The following CNTNAP2 variants were observed in gnomAD, a reference collection of about 807,000 sequenced individuals.
CNTNAP2 encodes contactin associated protein 2.
In CNTNAP2, 98 loss-of-function variants were observed where a neutral mutation model predicts 155.2. The observed-to-expected ratio is 0.63, with a 90% CI of 0.54 to 0.75. The LOEUF is 0.75. CNTNAP2 is among the 30% of genes least tolerant of loss of function. The pLI, the probability that CNTNAP2 is intolerant of heterozygous loss-of-function variation, is 0.00. For missense variants in CNTNAP2, 1,727 were observed against 1,688.1 expected (o/e 1.02, Z -0.40); for synonymous variants, 651 against 631.2 (o/e 1.03, Z -0.47).
intron 2 of CNTNAP2, among the ~76,000 whole-genome samples, chr7:146,797,010 C>A (rs1345205803): frequency 1.3e-5 from 2 of 152,076 alleles, no homozygotes; most frequent in East Asian, 3.9e-4. Flanking sequence ...GTGGCGGGCG[C>A]CTGTAGTCCC....
chr7:146,135,432 C>G (rs764935632), intron 1 of CNTNAP2, among the ~76,000 whole-genome samples: 19 of 151,968 alleles, frequency 1.3e-4, no homozygotes, highest in Non-Finnish European at 2.8e-4. Flanking sequence ...TCTCTAAAAT[C>G]CATTCCAGTT....
At position 148,118,149 on chromosome 7, in the gene CNTNAP2, C is replaced by T. The variant is rs1382541997; in HGVS notation, c.2415C>T (p.Asn805=). The T allele has an allele frequency of 6.2e-7, 1 of 1,614,050 alleles. No individual in the cohort carries two copies. The highest frequency in any genetic ancestry group is 1.3e-5 in the African/African-American group (1 of 74,928). ...ATTGGAATGCCGCCTCTTTCCCAAA[C>T]CCATCCTCCTACCTGCACTTCTCTA... ...RNYWNAASFP[N]PSSYLHFSTF... The change falls in exon 16 of 24, where the codon AAC becomes AAT. Residue 805 remains asparagine (N), a synonymous_variant. Transcript: ENST00000361727.
chr7:147,257,857 T>C (rs1464448860), intron 8 of CNTNAP2, among the ~76,000 whole-genome samples: 1 of 152,128 alleles, frequency 6.6e-6, no homozygotes, highest in Non-Finnish European at 1.5e-5. Context: ...AGATCGATAG[T>C]GGAGGTTCAG....
intron 1 of CNTNAP2, among the ~76,000 whole-genome samples, chr7:146,417,484 C>T (rs1334840023): frequency 1.3e-5 from 2 of 152,264 alleles, no homozygotes; most frequent in East Asian, 3.9e-4. Flanking sequence ...AATTCTAAAG[C>T]AGACCCAAGT....
intron 3 of CNTNAP2, among the ~76,000 whole-genome samples, chr7:146,943,956 T>C (rs1410585021): frequency 6.6e-6 from 1 of 152,184 alleles, no homozygotes; most frequent in Non-Finnish European, 1.5e-5. Flanking sequence ...TATAGTTTAA[T>C]TTGTACTATA....
chr7:147,744,525 G>T (rs1044205967), intron 13 of CNTNAP2, among the ~76,000 whole-genome samples: 1 of 152,188 alleles, frequency 6.6e-6, no homozygotes, highest in African/African-American at 2.4e-5. Context: ...CAGAGGACAA[G>T]TTTAGTTCTT....
At chr7:146,344,522 C>G (rs545250188) in intron 1 of CNTNAP2, among the ~76,000 whole-genome samples, 11 of 150,332 alleles carry the variant, frequency 7.3e-5, no homozygotes, top group African/African-American at 2.7e-4. Context: ...CTTTGTAGCC[C>G]AGGCTGGAGT....
intron 14 of CNTNAP2, 72 bp downstream of exon 14, chr7:147,903,793 A>C: frequency 6.4e-7 from 1 of 1,560,624 alleles, no homozygotes; most frequent in Non-Finnish European, 8.7e-7. Flanking sequence ...ATGTGATAGA[A>C]GAAAGTTTGA....
At chr7:148,300,271 A>C (rs1797359512) in intron 21 of CNTNAP2, among the ~76,000 whole-genome samples, 1 of 152,248 alleles carries the variant, frequency 6.6e-6, no homozygotes, top group Admixed American at 6.5e-5. Flanking sequence ...CTTATGTTAG[A>C]GAGAAACAAA....
At chr7:146,377,537 G>A (rs1210315199) in intron 1 of CNTNAP2, among the ~76,000 whole-genome samples, 2 of 152,022 alleles carry the variant, frequency 1.3e-5, no homozygotes, top group Non-Finnish European at 2.9e-5. Flanking sequence ...CAGTTCTACT[G>A]GATTGTCTAA....
chr7:147,927,422 A>G (rs575204667), intron 14 of CNTNAP2, among the ~76,000 whole-genome samples: 17 of 152,342 alleles, frequency 1.1e-4, no homozygotes, highest in African/African-American at 4.1e-4. Flanking sequence ...AATGAAATAA[A>G]TATTATTTTA....
intron 12 of CNTNAP2, among the ~76,000 whole-genome samples, chr7:147,577,466 A>G (rs1800416155): frequency 6.6e-6 from 1 of 151,912 alleles, no homozygotes; most frequent in African/African-American, 2.4e-5. Flanking sequence ...ATATTTTCAG[A>G]CAGGATACCT....
At chr7:146,711,874 A>G (rs1222852971) in intron 1 of CNTNAP2, among the ~76,000 whole-genome samples, 6 of 102,566 alleles carry the variant, frequency 5.8e-5, no homozygotes, top group African/African-American at 9.3e-5. Context: ...TATGTATACA[A>G]TATAGTATAC....
At chr7:147,305,718 C>G (rs753331502) in intron 9 of CNTNAP2, among the ~76,000 whole-genome samples, 1 of 152,076 alleles carries the variant, frequency 6.6e-6, no homozygotes, top group Non-Finnish European at 1.5e-5. Context: ...TTTGAAGGTA[C>G]GTATTGATTT....
At chr7:146,318,076 TG>T (rs1397279933) in intron 1 of CNTNAP2, among the ~76,000 whole-genome samples, 1 of 151,242 alleles carries the variant, frequency 6.6e-6, no homozygotes, top group African/African-American at 2.4e-5. Flanking sequence ...GGTAGGTGGA[TG>T]TTGCAGTGAG....
In CNTNAP2 at chr7:147,383,646, C is replaced by G. The variant is rs112691913; in HGVS notation, c.1499-11963C>G. ...GGTGGGGAGCAAGGGGAGGGGAGAG[C>G]ATTAAGACAAATACCTAATACATGT... On this transcript the variant is annotated intron_variant, in intron 9 of 23. Coordinates refer to ENST00000361727, the MANE Select transcript of CNTNAP2 (RefSeq NM_014141.6). Among the ~76,000 whole-genome samples the G allele has an allele frequency of 1.8e-3, 278 of 152,050 alleles. 1 individual carries two copies. Among genetic ancestry groups the G allele is most frequent in the African/African-American group, 6.4e-3 (266 of 41,470 alleles).
intron 13 of CNTNAP2, among the ~76,000 whole-genome samples, chr7:147,833,929 C>T (rs755779187): frequency 6.6e-6 from 1 of 151,986 alleles, no homozygotes; most frequent in Non-Finnish European, 1.5e-5. Context: ...ATGATGGCAA[C>T]GCAGGTGAAC....
intron 11 of CNTNAP2, among the ~76,000 whole-genome samples, chr7:147,524,436 T>C (rs1039367524): frequency 2.0e-5 from 3 of 152,158 alleles, no homozygotes; most frequent in Admixed American, 2.0e-4. Flanking sequence ...CCTGGCACTG[T>C]GCTAGGTCCC....
chr7:146,649,201 C>T (rs1301578882), intron 1 of CNTNAP2, among the ~76,000 whole-genome samples: 2 of 152,074 alleles, frequency 1.3e-5, no homozygotes, highest in African/African-American at 4.8e-5. Context: ...TATTGAATGA[C>T]TGCTATTTTC....
Sources: gnomAD v4.1 joint callset for allele counts (sites outside exome capture counted in the v4.1 genomes callset) on GRCh38, gnomAD v4.1.1 for gene constraint, MANE v1.5 for transcripts, NCBI Gene and HGNC (gene_info 2026-07-23, HGNC 2026-07-21) for gene names.